Variants in SEMA3A observed in about 807,000 individuals in gnomAD.
SEMA3A encodes semaphorin-3A.
SEMA3A carries 29 observed loss-of-function variants against 97.9 expected under a neutral mutation model. The ratio of observed to expected loss-of-function variants is 0.30; its 90% CI spans 0.22 to 0.40. The LOEUF (loss-of-function observed/expected upper bound fraction) is 0.40. Ranked by LOEUF, SEMA3A falls within the 10% of genes least tolerant of loss-of-function variation. The pLI, the probability that SEMA3A is intolerant of heterozygous loss-of-function variation, is 1.00. For missense variants in SEMA3A, 763 were observed against 951.3 expected (o/e 0.80, Z 2.60); for synonymous variants, 321 against 323.7 (o/e 0.99, Z 0.09).
At chr7:84,131,562 C>A (rs904764124) in intron 2 of SEMA3A, among the ~76,000 whole-genome samples, 2 of 152,040 alleles carry the variant, frequency 1.3e-5, no homozygotes, top group African/African-American at 4.8e-5. Flanking sequence ...GTGTTTTTGC[C>A]TCGAAGAGGG....
intron 1 of SEMA3A, among the ~76,000 whole-genome samples, chr7:84,446,643 A>C (rs1805420801): frequency 1.3e-5 from 2 of 152,236 alleles, no homozygotes; most frequent in Non-Finnish European, 2.9e-5. Context: ...CAAACTAAGA[A>C]TATGAGGAAA....
chr7:84,237,490 G>T (rs1243130702), intron 3 of SEMA3A, among the ~76,000 whole-genome samples: 1 of 152,040 alleles, frequency 6.6e-6, no homozygotes, highest in Non-Finnish European at 1.5e-5. Flanking sequence ...GGAGATGAGA[G>T]GTATGGGAGG....
Position 84,204,611 on chromosome 7 carries a change from T to C in SEMA3A, c.-82-9943A>G, listed in dbSNP as rs1426489249. On this transcript the variant is annotated intron_variant, in intron 3 of 3. Coordinates refer to the SEMA3A transcript ENST00000424555. ...TGCCATAGGTACCACAAAGGCTAAA[T>C]GAAAGAGAGGAGGATCTAGGCTCTT... is the stretch of plus-strand genomic sequence containing the variant. Among the ~76,000 whole-genome samples, 3 of 152,198 alleles carry C rather than the reference T, an allele frequency of 2.0e-5. No individual in the cohort carries two copies. The East Asian group carries it at 5.8e-4, about 29-fold the overall frequency.
rs550117785 is a variant in SEMA3A at position 84,234,887 on chromosome 7, T to G, written c.-82-40219A>C. ...TTTCATTACTGAGTACTGAGCATTG[T>G]TGGAGAAGGTCAAATTACAAAGGTA... On this transcript the variant is annotated intron_variant, in intron 3 of 3. Coordinates refer to the SEMA3A transcript ENST00000424555. 2.0e-5 allele frequency among the ~76,000 whole-genome samples: 3 copies of G among 152,116 alleles called. No individual in the cohort carries two copies. In the South Asian group the frequency reaches 6.2e-4, roughly 32 times the overall value.
chr7:84,122,367 C>T (rs1233592961), intron 3 of SEMA3A, among the ~76,000 whole-genome samples: 1 of 151,978 alleles, frequency 6.6e-6, no homozygotes, highest in African/African-American at 2.4e-5. Context: ...CAAATCAAAA[C>T]CACATGAGAT....
At chr7:84,235,325 A>C (rs1429562102) in intron 3 of SEMA3A, among the ~76,000 whole-genome samples, 2 of 152,030 alleles carry the variant, frequency 1.3e-5, no homozygotes, top group African/African-American at 4.8e-5. Flanking sequence ...GATTATATAC[A>C]TGACTTTATA....
chr7:84,190,984 C>T (rs1584105965), intron 1 of SEMA3A, among the ~76,000 whole-genome samples: 1 of 137,306 alleles, frequency 7.3e-6, no homozygotes, highest in Non-Finnish European at 1.6e-5. Flanking sequence ...CACACACACA[C>T]AAATACTGCT....
At chr7:84,288,157 C>T (rs1253146570) in intron 3 of SEMA3A, among the ~76,000 whole-genome samples, 1 of 151,874 alleles carries the variant, frequency 6.6e-6, no homozygotes, top group Non-Finnish European at 1.5e-5. Context: ...CATTATATTG[C>T]CAAGGCTGGA....
chr7:84,375,309 T>G (rs895274557), intron 1 of SEMA3A, among the ~76,000 whole-genome samples: 1 of 152,110 alleles, frequency 6.6e-6, no homozygotes, highest in Non-Finnish European at 1.5e-5. Flanking sequence ...CATGAGCCAC[T>G]GTGCCTGGCC....
intron 3 of SEMA3A, among the ~76,000 whole-genome samples, chr7:84,296,478 T>C (rs1250998252): frequency 6.6e-6 from 1 of 152,302 alleles, no homozygotes; most frequent in East Asian, 1.9e-4. Flanking sequence ...CAGGTCTCAT[T>C]GCTTTCTTGA....
intron 1 of SEMA3A, among the ~76,000 whole-genome samples, chr7:84,412,109 C>T (rs1402116331): frequency 6.6e-6 from 1 of 152,080 alleles, no homozygotes; most frequent in Admixed American, 6.6e-5. Context: ...AAATGAATGC[C>T]TTGATAAGGC....
intron 1 of SEMA3A, among the ~76,000 whole-genome samples, chr7:84,160,956 A>T (rs2116164444): frequency 6.6e-6 from 1 of 152,302 alleles, no homozygotes; most frequent in African/African-American, 2.4e-5. Flanking sequence ...TGATAGGAAG[A>T]CAGGACCCTT....
chr7:84,465,979 C>T (rs1805984237), intron 1 of SEMA3A, among the ~76,000 whole-genome samples: 2 of 152,148 alleles, frequency 1.3e-5, no homozygotes, highest in South Asian at 4.1e-4. Context: ...ATCCAGGACA[C>T]ACTTCATACC....
At chr7:84,389,326 G>A (rs558915536) in intron 1 of SEMA3A, among the ~76,000 whole-genome samples, 1 of 152,132 alleles carries the variant, frequency 6.6e-6, no homozygotes, top group East Asian at 1.9e-4. Flanking sequence ...TGTGATCTCT[G>A]ATTTCTCTAT....
intron 1 of SEMA3A, among the ~76,000 whole-genome samples, chr7:84,395,148 G>T (rs992647851): frequency 6.6e-6 from 1 of 152,006 alleles, no homozygotes; most frequent in African/African-American, 2.4e-5. Context: ...CACTAGTATT[G>T]TATGAGGAGG....
At chr7:84,155,434 G>A (rs926275946) in intron 1 of SEMA3A, among the ~76,000 whole-genome samples, 1 of 152,118 alleles carries the variant, frequency 6.6e-6, no homozygotes, top group African/African-American at 2.4e-5. Flanking sequence ...GCTTTGGGCA[G>A]GTATGCTTCC....
intron 3 of SEMA3A, among the ~76,000 whole-genome samples, chr7:84,222,441 T>G (rs2116339174): frequency 6.6e-6 from 1 of 152,006 alleles, no homozygotes; most frequent in Middle Eastern, 3.4e-3. Context: ...ATAAGCAGGC[T>G]AATCCATCAT....
intron 2 of SEMA3A, among the ~76,000 whole-genome samples, chr7:84,132,143 T>C (rs1456646044): frequency 6.6e-6 from 1 of 152,128 alleles, no homozygotes; most frequent in Non-Finnish European, 1.5e-5. Flanking sequence ...TTGGGTTCAT[T>C]TGTATAAACA....
intron 12 of SEMA3A, among the ~76,000 whole-genome samples, chr7:83,987,848 C>T (rs1179559952): frequency 1.3e-5 from 2 of 152,172 alleles, no homozygotes; most frequent in African/African-American, 4.8e-5. Flanking sequence ...ATAGTCTACA[C>T]TCACTGCTTT....
Sources: gnomAD v4.1 joint callset for allele counts (sites outside exome capture counted in the v4.1 genomes callset) on GRCh38, gnomAD v4.1.1 for gene constraint, MANE v1.5 for transcripts, NCBI Gene and HGNC (gene_info 2026-07-23, HGNC 2026-07-21) for gene names.